DIP2B: variants seen among roughly 807,000 people sequenced by gnomAD.
DIP2B encodes disco-interacting protein 2 homolog B.
A neutral mutation model predicts 198.0 loss-of-function variants in DIP2B; 76 were observed. The observed-to-expected ratio is 0.38, with a 90% confidence interval of 0.32 to 0.46. The LOEUF (loss-of-function observed/expected upper bound fraction) is 0.46. Among genes scored for constraint, DIP2B ranks in the 20% least tolerant of loss-of-function variants. DIP2B has a pLI of 0.99. For synonymous variants in DIP2B, 701 were observed against 739.1 expected, an observed-to-expected ratio of 0.95 and a Z score of 0.84; for missense variants, 1,559 against 1,978.4, an observed-to-expected ratio of 0.79 and a Z score of 4.02.
chr12:50,563,923 G>A (rs1285835575), intron 1 of DIP2B, among the ~76,000 whole-genome samples: 2 of 151,928 alleles, frequency 1.3e-5, no homozygotes, highest in Non-Finnish European at 2.9e-5. Context: ...TTGAGCTAAT[G>A]ACATCACATT....
At chr12:50,716,958 CTTTTTTTT>C (rs4026694) in intron 23 of DIP2B, among the ~76,000 whole-genome samples, 1,897 of 58,970 alleles carry the variant, frequency 0.032, 94 homozygotes, top group African/African-American at 0.095. Flanking sequence ...CGAATTGTTG[CTTTTTTTT>C]TTTTTTTTTT....
At chr12:50,706,693 C>T (rs777486795) in intron 21 of DIP2B, 28 bp downstream of exon 21, 47 of 1,611,380 alleles carry the variant, frequency 2.9e-5, no homozygotes, top group Non-Finnish European at 4.0e-5. Flanking sequence ...CAAATGTTAG[C>T]ACCTTTTAAT....
chr12:50,729,324 C>G (rs1939994960), intron 30 of DIP2B, among the ~76,000 whole-genome samples: 1 of 152,190 alleles, frequency 6.6e-6, no homozygotes, highest in Non-Finnish European at 1.5e-5. Flanking sequence ...ATCTTTATGT[C>G]TTGTGTCTAA....
intron 23 of DIP2B, among the ~76,000 whole-genome samples, chr12:50,715,475 A>G (rs534685154): frequency 6.6e-6 from 1 of 152,286 alleles, no homozygotes; most frequent in South Asian, 2.1e-4. Context: ...CCACATGAGC[A>G]TATTTAAAGC....
intron 1 of DIP2B, among the ~76,000 whole-genome samples, chr12:50,588,752 G>A (rs1958792352): frequency 6.6e-6 from 1 of 152,138 alleles, no homozygotes; most frequent in African/African-American, 2.4e-5. Context: ...ACTTTCTGTA[G>A]AACATTATAA....
intron 1 of DIP2B, among the ~76,000 whole-genome samples, chr12:50,543,875 G>C (rs577524820): frequency 2.2e-5 from 3 of 139,510 alleles, no homozygotes; most frequent in East Asian, 4.5e-4. Context: ...AGTGAGCTGA[G>C]GTAGTGCCAA....
intron 13 of DIP2B, among the ~76,000 whole-genome samples, chr12:50,691,874 G>A (rs1189867971): frequency 6.6e-6 from 1 of 152,082 alleles, no homozygotes; most frequent in Non-Finnish European, 1.5e-5. Flanking sequence ...GACCAGCCTG[G>A]CCAACACGGT....
intron 1 of DIP2B, among the ~76,000 whole-genome samples, chr12:50,513,172 ATATCTTG>A (rs1164700051): frequency 9.2e-5 from 14 of 152,218 alleles, no homozygotes; most frequent in Non-Finnish European, 2.1e-4. Flanking sequence ...GCAGTTTTTA[ATATCTTG>A]TGTTACTTAG....
At position 50,543,377 on chromosome 12, in the gene DIP2B, CT is replaced by C. The variant is rs200681461; in HGVS notation, c.100+38138del. Among the ~76,000 whole-genome samples the C allele has an allele frequency of 7.1e-3, 1,079 of 152,082 alleles. 16 individuals carry two copies. The highest frequency in any genetic ancestry group is 0.025 in the African/African-American group (1,038 of 41,478). ...CAATCTTGGCTCACCGCAACTTCCG[CT>C]CCCCAGGTTCAAGCAATTCTCCTGC... On this transcript the variant is annotated intron_variant, in intron 1 of 37. Coordinates refer to ENST00000301180, the MANE Select transcript of DIP2B (RefSeq NM_173602.3).
At chr12:50,673,033 A>T (rs1938881730) in intron 5 of DIP2B, among the ~76,000 whole-genome samples, 1 of 152,320 alleles carries the variant, frequency 6.6e-6, no homozygotes, top group East Asian at 1.9e-4. Flanking sequence ...TGGATTGAAC[A>T]TGCTTGAACA....
At chr12:50,562,128 C>T (rs780332009) in intron 1 of DIP2B, among the ~76,000 whole-genome samples, 4 of 152,066 alleles carry the variant, frequency 2.6e-5, no homozygotes, top group Non-Finnish European at 4.4e-5. Flanking sequence ...TCTCCCTGAC[C>T]TTGACTGCCA....
chr12:50,691,113 A>T lies in DIP2B; in HGVS notation c.1616A>T (p.His539Leu). 2 of 1,614,104 alleles carry T rather than the reference A, an allele frequency of 1.2e-6. No homozygotes were observed. The highest frequency in any genetic ancestry group is 2.7e-5 in the African/African-American group (2 of 75,018). ...GTATCCCGGCTTGCAATGTTGTCTC[A>T]CTGCCAAGCTCTGTCGCAGGCCTGC... ...VTVSRLAMLSHCQALSQACNY... is the reference protein window; with the variant it reads ...VTVSRLAMLSLCQALSQACNY... The change falls in exon 13 of 38, where the codon CAC becomes CTC. Residue 539 changes from histidine to leucine, a missense_variant. Transcript: ENST00000301180.
intron 2 of DIP2B, among the ~76,000 whole-genome samples, chr12:50,637,913 A>G (rs1938187401): frequency 6.6e-6 from 1 of 152,244 alleles, no homozygotes; most frequent in South Asian, 2.1e-4. Flanking sequence ...TATTCAAACA[A>G]TAGAAACATA....
Position 50,709,147 on chromosome 12 carries a change from T to C in DIP2B, c.2649+585T>C, listed in dbSNP as rs542953081. Reference sequence around the variant, plus strand: ...TCCCAGCTCCACTTCTTACCAGATATGTGCCCTTGGGCAAGTCATTTAACC... The same window carrying C: ...TCCCAGCTCCACTTCTTACCAGATACGTGCCCTTGGGCAAGTCATTTAACC... On this transcript the variant is annotated intron_variant, in intron 22 of 37. Transcript: ENST00000301180. Among the ~76,000 whole-genome samples the C allele has an allele frequency of 1.2e-4, 19 of 152,348 alleles. No individual in the cohort carries two copies. In the South Asian group the frequency reaches 3.1e-3, roughly 25 times the overall value.
intron 13 of DIP2B, among the ~76,000 whole-genome samples, chr12:50,691,990 T>C (rs917248139): frequency 6.6e-6 from 1 of 151,898 alleles, no homozygotes; most frequent in African/African-American, 2.4e-5. Context: ...ACTTGCACCC[T>C]GGAGGCAGAG....
At position 50,695,446 on chromosome 12, in the gene DIP2B, G is replaced by A; in HGVS notation, c.1813+86G>A. ...TTTCAGAGATTTTCAAATTGCCCTT[G>A]TATGCCCCTGTCCCTTAACAAATTG... On this transcript the variant is annotated intron_variant, in intron 15 of 37. Coordinates refer to ENST00000301180, the MANE Select transcript of DIP2B (RefSeq NM_173602.3). 3.2e-6 allele frequency: 4 copies of A among 1,248,140 alleles called. 1 individual carries two copies. The highest frequency in any genetic ancestry group is 4.7e-6 in the Non-Finnish European group (4 of 852,848). 77.3% of individuals were successfully genotyped at this position (1,248,140 alleles called of 1,614,324 possible). A position where few individuals can be genotyped will look rare whatever the true frequency, so the allele number is the denominator to read the frequency against.
intron 1 of DIP2B, among the ~76,000 whole-genome samples, chr12:50,560,252 G>A (rs541544997): frequency 7.9e-5 from 12 of 151,964 alleles, no homozygotes; most frequent in South Asian, 2.1e-4. Flanking sequence ...AAAATTAGCC[G>A]GGTGTGGTGG....
chr12:50,662,237 C>T (rs1489410696), intron 4 of DIP2B, among the ~76,000 whole-genome samples: 3 of 152,290 alleles, frequency 2.0e-5, no homozygotes, highest in South Asian at 2.1e-4. Context: ...ACCCATTTAT[C>T]TCCTGTTCTG....
intron 3 of DIP2B, among the ~76,000 whole-genome samples, chr12:50,656,654 C>T (rs1187034369): frequency 6.6e-6 from 1 of 152,190 alleles, no homozygotes; most frequent in Non-Finnish European, 1.5e-5. Flanking sequence ...TCACTGTAAC[C>T]TCCGCTTCCC....
Sources: allele counts gnomAD v4.1 joint callset (sites outside exome capture counted in the v4.1 genomes callset), GRCh38; gene constraint gnomAD v4.1.1; transcripts MANE v1.5; gene names NCBI Gene and HGNC (gene_info 2026-07-23, HGNC 2026-07-21).